The following EBF2 variants were observed in gnomAD, a reference collection of about 807,000 sequenced individuals.
EBF2 encodes the protein transcription factor COE2.
Under a neutral mutation model 72.8 loss-of-function variants are expected in EBF2, and 21 were observed. The ratio of observed to expected loss-of-function variants is 0.29; its 90% CI spans 0.20 to 0.42. EBF2 has a LOEUF of 0.42. Ranked by LOEUF, EBF2 falls within the 10% of genes least tolerant of loss-of-function variation. EBF2 has a pLI of 1.00. For synonymous variants in EBF2, 299 were observed against 274.2 expected, an observed-to-expected ratio of 1.09 and a Z score of -0.89; for missense variants, 637 against 731.2, an observed-to-expected ratio of 0.87 and a Z score of 1.49.
intron 6 of EBF2, among the ~76,000 whole-genome samples, chr8:25,916,815 C>A (rs1303753457): frequency 6.6e-6 from 1 of 152,096 alleles, no homozygotes; most frequent in Admixed American, 6.5e-5. Flanking sequence ...TGGCAACAGG[C>A]CCCATCGAGT....
intron 6 of EBF2, among the ~76,000 whole-genome samples, chr8:26,023,181 G>T (rs1585231527): frequency 6.6e-6 from 1 of 152,134 alleles, no homozygotes; most frequent in South Asian, 2.1e-4. Flanking sequence ...TGGCAGTTTT[G>T]GGAGGTCCTC....
At chr8:25,971,266 G>A (rs1252563008) in intron 6 of EBF2, among the ~76,000 whole-genome samples, 4 of 152,254 alleles carry the variant, frequency 2.6e-5, no homozygotes, top group South Asian at 4.1e-4. Context: ...CCTTGGCAGC[G>A]TGTCCAGAAA....
At chr8:25,930,034 C>T (rs1365729817) in intron 6 of EBF2, among the ~76,000 whole-genome samples, 2 of 152,190 alleles carry the variant, frequency 1.3e-5, no homozygotes, top group Non-Finnish European at 2.9e-5. Context: ...CTTCAATGTT[C>T]TTTGAAAAAT....
At chr8:26,018,371 G>A (rs915798781) in intron 6 of EBF2, among the ~76,000 whole-genome samples, 2 of 151,614 alleles carry the variant, frequency 1.3e-5, no homozygotes, top group East Asian at 2.0e-4. Flanking sequence ...AGAGAGAAAC[G>A]GCCGGACGCG....
intron 6 of EBF2, among the ~76,000 whole-genome samples, chr8:25,945,631 G>C (rs761895367): frequency 6.6e-5 from 10 of 151,230 alleles, no homozygotes; most frequent in Non-Finnish European, 1.5e-4. Context: ...GTTTGGTTTC[G>C]GGGGTACAAT....
At chr8:26,005,455 A>ATAATATATATTATATATAT (rs1804849003) in intron 6 of EBF2, among the ~76,000 whole-genome samples, 1 of 42,294 alleles carries the variant, frequency 2.4e-5, no homozygotes, top group African/African-American at 1.2e-4. Flanking sequence ...AAAATATATT[A>ATAATATATATTATATATAT]TATATTATAA....
intron 6 of EBF2, among the ~76,000 whole-genome samples, chr8:25,912,499 A>AC (rs1803145636): frequency 2.7e-5 from 2 of 72,776 alleles, no homozygotes; most frequent in African/African-American, 6.8e-5. Flanking sequence ...CACACACACA[A>AC]CAGGAAGAAT....
intron 7 of EBF2, among the ~76,000 whole-genome samples, chr8:25,903,708 A>C (rs1316219146): frequency 6.6e-6 from 1 of 152,116 alleles, no homozygotes; most frequent in Non-Finnish European, 1.5e-5. Flanking sequence ...AAAACAAACA[A>C]ACAAACAAAC....
chr8:25,893,910 C>T (rs530376438), intron 7 of EBF2, among the ~76,000 whole-genome samples: 13 of 152,326 alleles, frequency 8.5e-5, no homozygotes, highest in Middle Eastern at 3.4e-3. Flanking sequence ...TGCTGGCTCA[C>T]GCTGGCCTCT....
At chr8:25,845,799 C>A (rs1801821105) in intron 15 of EBF2, among the ~76,000 whole-genome samples, 1 of 152,198 alleles carries the variant, frequency 6.6e-6, no homozygotes, top group Non-Finnish European at 1.5e-5. Context: ...CCTTTAAAAT[C>A]ATATCTAGAA....
At chr8:26,005,548 A>AT (rs1563206091) in intron 6 of EBF2, among the ~76,000 whole-genome samples, 82 of 37,982 alleles carry the variant, frequency 2.2e-3, no homozygotes, top group Admixed American at 5.8e-3. Context: ...TATTTTATAT[A>AT]TATATATATA....
chr8:26,018,931 TAAA>T (rs1176680985), intron 6 of EBF2, among the ~76,000 whole-genome samples: 17,241 of 107,456 alleles, frequency 0.16, 485 homozygotes, highest in Admixed American at 0.19. Context: ...TCCATGGCAA[TAAA>T]AAAAAAAAAA....
chr8:26,037,300 A>G (rs901180), intron 5 of EBF2, among the ~76,000 whole-genome samples: 147,556 of 152,296 alleles, frequency 0.97, 71,499 homozygotes, highest in East Asian at 1. Context: ...AGCCTTGGAC[A>G]GAGAGTGTCC....
At chr8:26,013,738 C>A (rs973688557) in intron 6 of EBF2, among the ~76,000 whole-genome samples, 2 of 151,926 alleles carry the variant, frequency 1.3e-5, no homozygotes, top group African/African-American at 4.8e-5. Flanking sequence ...TGACTCCATG[C>A]TATCTTGTAT....
intron 7 of EBF2, among the ~76,000 whole-genome samples, chr8:25,905,148 C>A (rs1803013906): frequency 6.6e-6 from 1 of 152,110 alleles, no homozygotes; most frequent in African/African-American, 2.4e-5. Flanking sequence ...CAATGAGATA[C>A]CTCTTCACAC....
chr8:25,912,468 A>ACG (rs1006640686), intron 6 of EBF2, among the ~76,000 whole-genome samples: 1 of 83,534 alleles, frequency 1.2e-5, no homozygotes, highest in African/African-American at 7.8e-5. Context: ...TAAAAATGGC[A>ACG]CACACACACA....
In EBF2 at chr8:25,886,762, A is replaced by G. The variant is rs1366589945; in HGVS notation, c.1002T>C (p.Ile334=). ...AATCGTTTTCTCACCTACCTGTGTAAATGAACCTTCCTGGGGCTCCTTTGC... is the reference window on the plus strand; with the variant it reads ...AATCGTTTTCTCACCTACCTGTGTAGATGAACCTTCCTGGGGCTCCTTTGC... The part of the protein sequence containing the change: ...QFCKGAPGRF[I]YTALNEPTID... Residue 334 remains isoleucine (I), a synonymous_variant, in exon 10 of 16, where the codon ATT becomes ATC. Transcript: ENST00000520164. 6.2e-7 allele frequency: 1 copy of G among 1,609,582 alleles called. No individual in the cohort carries two copies.
chr8:25,907,506 C>CA (rs1803056649), intron 7 of EBF2, among the ~76,000 whole-genome samples: 1 of 145,896 alleles, frequency 6.9e-6, no homozygotes, highest in Non-Finnish European at 1.5e-5. Flanking sequence ...GCAGCTGCAA[C>CA]GTGTCGCATG....
At chr8:25,849,510 G>A (rs572074901) in intron 15 of EBF2, among the ~76,000 whole-genome samples, 3 of 152,300 alleles carry the variant, frequency 2.0e-5, no homozygotes, top group South Asian at 4.1e-4. Context: ...GAGGGTTAAT[G>A]AAACCTCTTC....
Sources: gnomAD v4.1 joint callset for allele counts (sites outside exome capture counted in the v4.1 genomes callset) on GRCh38, gnomAD v4.1.1 for gene constraint, MANE v1.5 for transcripts, NCBI Gene and HGNC (gene_info 2026-07-23, HGNC 2026-07-21) for gene names.